The following PNPLA1 variants were observed in gnomAD, a reference collection of about 807,000 sequenced individuals.
PNPLA1 encodes the protein patatin like domain 1, omega-hydroxyceramide transacylase, also known as omega-hydroxyceramide transacylase.
In PNPLA1, 36 loss-of-function variants were observed where a neutral mutation model predicts 51.7. The observed-to-expected ratio is 0.70, with a 90% CI of 0.53 to 0.92. The LOEUF (loss-of-function observed/expected upper bound fraction) is 0.92, where lower values mean the gene tolerates loss of function less well. Among genes scored for constraint, PNPLA1 ranks in the 40% least tolerant of loss-of-function variants. PNPLA1 has a pLI of 0.00. For synonymous variants in PNPLA1, 293 were observed against 280.1 expected (o/e 1.05, Z -0.46); for missense variants, 658 against 682.5 (o/e 0.96, Z 0.40).
At chr6:36,285,445 G>C (rs563848238) in intron 1 of PNPLA1, among the ~76,000 whole-genome samples, 67 of 152,342 alleles carry the variant, frequency 4.4e-4, no homozygotes, top group Non-Finnish European at 7.8e-4. Flanking sequence ...CCCTGTGAAC[G>C]GCATCCTCAG....
At chr6:36,254,293 A>G (rs961961219) in intron 1 of PNPLA1, among the ~76,000 whole-genome samples, 15 of 152,128 alleles carry the variant, frequency 9.9e-5, no homozygotes, top group African/African-American at 3.6e-4. Flanking sequence ...GGGCCATCCT[A>G]GGAAGGGTGG....
intron 1 of PNPLA1, among the ~76,000 whole-genome samples, chr6:36,263,707 G>T (rs1582038273): frequency 6.9e-6 from 1 of 145,862 alleles, no homozygotes; most frequent in African/African-American, 2.5e-5. Context: ...ACTGATGGGG[G>T]CAAGGCTGCC....
chr6:36,245,373 A>G (rs1769246986), intron 1 of PNPLA1, among the ~76,000 whole-genome samples: 1 of 152,198 alleles, frequency 6.6e-6, no homozygotes, highest in Non-Finnish European at 1.5e-5. Context: ...TGTGACTCTA[A>G]CTTCCTTGGC....
intron 1 of PNPLA1, among the ~76,000 whole-genome samples, chr6:36,255,622 G>A (rs1352162665): frequency 1.3e-5 from 2 of 152,130 alleles, no homozygotes; most frequent in African/African-American, 4.8e-5. Context: ...AGGAGGCAGA[G>A]GTTGCAGTGA....
chr6:36,280,924 G>A (rs1214588433), intron 1 of PNPLA1, among the ~76,000 whole-genome samples: 2 of 152,030 alleles, frequency 1.3e-5, no homozygotes, highest in African/African-American at 4.8e-5. Context: ...TGAGTAGTTG[G>A]GACTATAAGC....
chr6:36,287,755 AACAC>A (rs57750301), intron 1 of PNPLA1, among the ~76,000 whole-genome samples: 8,062 of 148,356 alleles, frequency 0.054, 311 homozygotes, highest in African/African-American at 0.11. Context: ...GACAGACAGA[AACAC>A]ACACACACAC....
At chr6:36,244,501 C>T (rs1582014010) in intron 1 of PNPLA1, among the ~76,000 whole-genome samples, 1 of 152,002 alleles carries the variant, frequency 6.6e-6, no homozygotes. Context: ...GCATACTCAA[C>T]TCATCCTCTA....
chr6:36,263,498 G>A (rs1339520291), intron 1 of PNPLA1, among the ~76,000 whole-genome samples: 1 of 152,188 alleles, frequency 6.6e-6, no homozygotes, highest in Non-Finnish European at 1.5e-5. Context: ...ATAGCCCTCA[G>A]ACTGGCAAAA....
rs1582078081 is a variant in PNPLA1, at chr6:36,291,360, G to A, written c.246G>A (p.Val82=). The change falls in exon 2 of 9, where the codon GTG becomes GTA. Residue 82 remains valine (V), a synonymous_variant. Coordinates refer to ENST00000636260, the MANE Select transcript of PNPLA1 (RefSeq NM_001374623.1). ...LRVLNVGVAE[V]KKSFLGPLSP... Reference sequence around the variant, plus strand: ...TCCTCAACGTGGGTGTGGCCGAGGTGAAGAAATCCTTCCTGGGGCCCTTGT... The same window carrying A: ...TCCTCAACGTGGGTGTGGCCGAGGTAAAGAAATCCTTCCTGGGGCCCTTGT... The A allele has an allele frequency of 6.2e-7, 1 of 1,614,176 alleles. No homozygotes were observed. The highest frequency in any genetic ancestry group is 1.3e-5 in the African/African-American group (1 of 75,034).
chr6:36,279,577 C>T (rs1190527773), intron 1 of PNPLA1, among the ~76,000 whole-genome samples: 1 of 152,124 alleles, frequency 6.6e-6, no homozygotes, highest in Admixed American at 6.5e-5. Flanking sequence ...AATAGAGTTC[C>T]CAGGAAGGAG....
In PNPLA1 at chr6:36,312,440, T is replaced by C. The variant is rs1771427219; in HGVS notation, c.*554T>C. On this transcript the variant is annotated 3_prime_UTR_variant, in exon 9 of 9. Transcript: ENST00000636260. ...TGTAGCTTGAGATTTCCAATTTCCA[T>C]GCATTGGCTATAACAGGCCTGGCTA... 6.6e-6 allele frequency among the ~76,000 whole-genome samples: 1 copy of C among 152,212 alleles called. No individual in the cohort carries two copies. The highest frequency in any genetic ancestry group is 1.5e-5 in the Non-Finnish European group (1 of 68,044).
At position 36,249,272 on chromosome 6, in the gene PNPLA1, G is replaced by T. The variant is rs116178293; in HGVS notation, c.-81+6011G>T. On this transcript the variant is annotated intron_variant, in intron 1 of 7. Transcript: ENST00000312917. ...TTACATTCTTCCTTTTATTTCCTGA[G>T]AACTAAAAAATATTATACACACTGG... is the stretch of plus-strand genomic sequence containing the variant. 5.6e-3 allele frequency among the ~76,000 whole-genome samples: 850 copies of T among 152,140 alleles called. 4 individuals are homozygous for T. Among genetic ancestry groups the T allele is most frequent in the Non-Finnish European group, 9.8e-3 (665 of 67,990 alleles).
At chr6:36,306,256 C>T in intron 6 of PNPLA1, 36 bp from the exon 7 acceptor site, 1 of 1,515,344 alleles carries the variant, frequency 6.6e-7, no homozygotes, top group Non-Finnish European at 9.0e-7. Flanking sequence ...TCCCCCCTCC[C>T]CATCTCACTC....
At chr6:36,306,492 G>A (rs1771241532) in intron 7 of PNPLA1, 116 bp downstream of exon 7, 3 of 849,624 alleles carry the variant, frequency 3.5e-6, no homozygotes, top group Non-Finnish European at 5.5e-6. Flanking sequence ...CTTTTCTGGT[G>A]TGTGTGATTG....
chr6:36,290,810 G>C (rs578030272), intron 1 of PNPLA1, among the ~76,000 whole-genome samples: 1 of 152,252 alleles, frequency 6.6e-6, no homozygotes, highest in African/African-American at 2.4e-5. Flanking sequence ...TGATTCACCG[G>C]CCCAAGGCCA....
intron 1 of PNPLA1, among the ~76,000 whole-genome samples, chr6:36,263,787 A>C (rs904481532): frequency 6.6e-6 from 1 of 152,190 alleles, no homozygotes; most frequent in Non-Finnish European, 1.5e-5. Flanking sequence ...CGCCTCTCAT[A>C]TGTAAACTAG....
At chr6:36,303,602 C>T (rs1191640129) in intron 6 of PNPLA1, among the ~76,000 whole-genome samples, 8 of 152,242 alleles carry the variant, frequency 5.3e-5, no homozygotes, top group South Asian at 2.1e-4. Flanking sequence ...GAGGCCAAAG[C>T]GGGTGGATCA....
chr6:36,309,418 T>C (rs1771338501), intron 8 of PNPLA1, among the ~76,000 whole-genome samples: 1 of 152,128 alleles, frequency 6.6e-6, no homozygotes, highest in African/African-American at 2.4e-5. Flanking sequence ...ACGTTCGGCC[T>C]TGGGAAGCCA....
At chr6:36,288,854 C>T (rs1340551253) in intron 1 of PNPLA1, among the ~76,000 whole-genome samples, 1 of 152,140 alleles carries the variant, frequency 6.6e-6, no homozygotes, top group Non-Finnish European at 1.5e-5. Flanking sequence ...AGAGGATTGC[C>T]TGAGCCAGGC....
Sources: gnomAD v4.1 joint callset for allele counts (sites outside exome capture counted in the v4.1 genomes callset) on GRCh38, gnomAD v4.1.1 for gene constraint, MANE v1.5 for transcripts, NCBI Gene and HGNC (gene_info 2026-07-23, HGNC 2026-07-21) for gene names.